The following TSPAN18 variants were observed in gnomAD, a reference collection of about 807,000 sequenced individuals.
TSPAN18 encodes tetraspanin-18.
Under a neutral mutation model 27.3 loss-of-function variants are expected in TSPAN18, and 14 were observed. That is an observed-to-expected ratio of 0.51 (90% CI 0.34 to 0.80). The LOEUF is 0.80. TSPAN18 is among the 30% of genes least tolerant of loss of function. The probability of loss-of-function intolerance (pLI) is 0.01; values close to 1 mark genes in which losing one functional copy is unlikely to be tolerated. For missense variants in TSPAN18, 268 were observed against 323.9 expected, an observed-to-expected ratio of 0.83 and a Z score of 1.32; for synonymous variants, 143 against 136.5, an observed-to-expected ratio of 1.05 and a Z score of -0.33.
chr11:44,783,207 T>C (rs1282269692), intron 2 of TSPAN18, among the ~76,000 whole-genome samples: 1 of 152,172 alleles, frequency 6.6e-6, no homozygotes, highest in Non-Finnish European at 1.5e-5. Context: ...CAGGAGAATA[T>C]CTTTAATGAC....
intron 2 of TSPAN18, among the ~76,000 whole-genome samples, chr11:44,847,762 T>G (rs1857514075): frequency 6.6e-6 from 1 of 152,142 alleles, no homozygotes; most frequent in East Asian, 1.9e-4. Context: ...TGTCTCATAA[T>G]GAAGGGAGGA....
At chr11:44,929,108 C>G (rs773619858) in intron 9 of TSPAN18, 23 bp from the exon 10 acceptor site, 10 of 1,612,928 alleles carry the variant, frequency 6.2e-6, no homozygotes, top group Non-Finnish European at 8.5e-6. Flanking sequence ...AAGCCAGTTC[C>G]TGCTCTTTTT....
chr11:44,888,438 A>G (rs1183709129), intron 3 of TSPAN18, among the ~76,000 whole-genome samples: 4 of 152,148 alleles, frequency 2.6e-5, no homozygotes, highest in Non-Finnish European at 4.4e-5. Context: ...TAATGACTGA[A>G]TCCTTATTGG....
chr11:44,824,403 G>A (rs1416874237), intron 2 of TSPAN18, among the ~76,000 whole-genome samples: 1 of 152,208 alleles, frequency 6.6e-6, no homozygotes, highest in Non-Finnish European at 1.5e-5. Context: ...GATAGGGGAT[G>A]TGGTGGCCTT....
At chr11:44,825,138 T>G (rs1857008967) in intron 2 of TSPAN18, among the ~76,000 whole-genome samples, 1 of 149,720 alleles carries the variant, frequency 6.7e-6, no homozygotes. Context: ...CTGACCTGAG[T>G]GCTCCTGCTG....
intron 3 of TSPAN18, among the ~76,000 whole-genome samples, chr11:44,868,857 G>A (rs1036593497): frequency 6.6e-6 from 1 of 152,190 alleles, no homozygotes; most frequent in Non-Finnish European, 1.5e-5. Flanking sequence ...CTTTGAGTTT[G>A]GCAGCTCCTG....
At chr11:44,784,551 C>T (rs139278702) in intron 2 of TSPAN18, among the ~76,000 whole-genome samples, 1 of 152,226 alleles carries the variant, frequency 6.6e-6, no homozygotes, top group African/African-American at 2.4e-5. Flanking sequence ...GCTATCACTT[C>T]CCCTATTTAT....
At chr11:44,894,496 T>C (rs1420133941) in intron 3 of TSPAN18, among the ~76,000 whole-genome samples, 1 of 151,300 alleles carries the variant, frequency 6.6e-6, no homozygotes, top group Non-Finnish European at 1.5e-5. Flanking sequence ...GTAAAAGGAG[T>C]GATTTATGAA....
At chr11:44,737,063 G>T (rs1320121499) in intron 1 of TSPAN18, among the ~76,000 whole-genome samples, 1 of 152,242 alleles carries the variant, frequency 6.6e-6, no homozygotes, top group African/African-American at 2.4e-5. Flanking sequence ...CTGAATGAAT[G>T]AGGAAATGGA....
intron 2 of TSPAN18, among the ~76,000 whole-genome samples, chr11:44,788,399 G>A (rs1167663561): frequency 1.3e-5 from 2 of 151,812 alleles, no homozygotes; most frequent in Non-Finnish European, 2.9e-5. Context: ...AGGCACACGT[G>A]ACTAGTGGCT....
At chr11:44,829,244 G>A (rs1857106678) in intron 2 of TSPAN18, among the ~76,000 whole-genome samples, 1 of 152,006 alleles carries the variant, frequency 6.6e-6, no homozygotes, top group South Asian at 2.1e-4. Flanking sequence ...ACATTCTATG[G>A]GTTTTGATAC....
intron 3 of TSPAN18, among the ~76,000 whole-genome samples, chr11:44,877,367 C>G (rs1421253518): frequency 2.0e-5 from 3 of 152,172 alleles, no homozygotes; most frequent in Non-Finnish European, 4.4e-5. Context: ...GAAGAGTGAC[C>G]TGGAGTGGTC....
At chr11:44,856,376 T>C (rs1857738788) in intron 2 of TSPAN18, among the ~76,000 whole-genome samples, 2 of 152,182 alleles carry the variant, frequency 1.3e-5, no homozygotes, top group Non-Finnish European at 2.9e-5. Context: ...TCTTGGCTCA[T>C]GGTCTTGAAT....
chr11:44,821,304 T>A (rs1209899366), intron 2 of TSPAN18, among the ~76,000 whole-genome samples: 2 of 152,236 alleles, frequency 1.3e-5, no homozygotes, highest in Non-Finnish European at 2.9e-5. Flanking sequence ...TAATTTTATC[T>A]AATAGGATAT....
chr11:44,780,719 A>AC (rs1565145863), intron 2 of TSPAN18, among the ~76,000 whole-genome samples: 1 of 152,098 alleles, frequency 6.6e-6, no homozygotes, highest in South Asian at 2.1e-4. Context: ...ATGTCATGTC[A>AC]CCCCCAAGCC....
At position 44,931,210 on chromosome 11, in the gene TSPAN18, C is replaced by A. The variant is rs1484589468; in HGVS notation, c.*2032C>A. ...GCTAAGCTCCTGAGACCCAGGGGGACCTGCCACTGGTACCGCGGCCCAGCC... is the reference window on the plus strand; with the variant it reads ...GCTAAGCTCCTGAGACCCAGGGGGAACTGCCACTGGTACCGCGGCCCAGCC... On this transcript the variant is annotated 3_prime_UTR_variant, in exon 10 of 10. Transcript: ENST00000520358. 2 of 304,096 alleles carry A rather than the reference C, an allele frequency of 6.6e-6. No homozygotes were observed. Among genetic ancestry groups the A allele is most frequent in the Non-Finnish European group, 1.3e-5 (2 of 153,346 alleles). The allele number at this position is 304,096 out of a possible 1,614,324, so 18.8% of individuals were successfully genotyped here.
chr11:44,782,612 T>G (rs1327699571), intron 2 of TSPAN18, among the ~76,000 whole-genome samples: 2 of 152,068 alleles, frequency 1.3e-5, no homozygotes, highest in East Asian at 3.8e-4. Context: ...GCTTGTATTG[T>G]TTTTCACTCC....
intron 2 of TSPAN18, among the ~76,000 whole-genome samples, chr11:44,775,552 G>A (rs1335172297): frequency 1.3e-5 from 2 of 152,216 alleles, no homozygotes; most frequent in East Asian, 1.9e-4. Flanking sequence ...CCTCCTTCTG[G>A]GAGCCTCCGG....
At chr11:44,812,255 C>T (rs901699812) in intron 2 of TSPAN18, among the ~76,000 whole-genome samples, 3 of 152,204 alleles carry the variant, frequency 2.0e-5, no homozygotes, top group Non-Finnish European at 2.9e-5. Context: ...GACTTAGCCT[C>T]TCTGGGCCTC....
Sources: gnomAD v4.1 joint callset for allele counts (sites outside exome capture counted in the v4.1 genomes callset) on GRCh38, gnomAD v4.1.1 for gene constraint, MANE v1.5 for transcripts, NCBI Gene and HGNC (gene_info 2026-07-23, HGNC 2026-07-21) for gene names.